The following SGCD variants were observed in gnomAD, a reference collection of about 807,000 sequenced individuals.
SGCD encodes sarcoglycan delta.
Under a neutral mutation model 36.6 loss-of-function variants are expected in SGCD, and 18 were observed. The observed-to-expected ratio is 0.49, with a 90% CI of 0.34 to 0.73. The LOEUF is 0.73. Ranked by LOEUF, SGCD falls within the 30% of genes least tolerant of loss-of-function variation. SGCD has a pLI of 0.01. For missense variants in SGCD, 387 were observed against 346.7 expected (o/e 1.12, Z -0.92); for synonymous variants, 133 against 130.6 (o/e 1.02, Z -0.12).
chr5:156,120,998 A>C (rs1762024688), intron 2 of SGCD, among the ~76,000 whole-genome samples: 1 of 152,154 alleles, frequency 6.6e-6, no homozygotes, highest in Non-Finnish European at 1.5e-5. Flanking sequence ...AATGAATCAG[A>C]AAACATGACT....
intron 1 of SGCD, among the ~76,000 whole-genome samples, chr5:156,329,184 A>G (rs10064593): frequency 0.81 from 122,641 of 152,084 alleles, 50,055 homozygotes; most frequent in African/African-American, 0.93. Context: ...GAAATCCAGG[A>G]CAGAGGTGGA....
At chr5:155,943,411 G>A (rs1424703558) in intron 1 of SGCD, among the ~76,000 whole-genome samples, 2 of 152,050 alleles carry the variant, frequency 1.3e-5, no homozygotes, top group East Asian at 3.8e-4. Context: ...TACCCTGGGA[G>A]TCTGTTTCTT....
At chr5:156,481,785 C>A (rs1041166546) in intron 3 of SGCD, among the ~76,000 whole-genome samples, 10 of 152,158 alleles carry the variant, frequency 6.6e-5, no homozygotes, top group African/African-American at 2.4e-4. Flanking sequence ...AGGAGCACAC[C>A]TGGACACAGA....
At chr5:156,491,854 CAT>C (rs1027313214) in intron 3 of SGCD, among the ~76,000 whole-genome samples, 15 of 152,220 alleles carry the variant, frequency 9.9e-5, no homozygotes, top group African/African-American at 3.6e-4. Flanking sequence ...GTAGTTGTGA[CAT>C]AACTCATTTT....
intron 1 of SGCD, among the ~76,000 whole-genome samples, chr5:155,919,852 C>A (rs1756832829): frequency 6.6e-6 from 1 of 152,110 alleles, no homozygotes; most frequent in Non-Finnish European, 1.5e-5. Flanking sequence ...CAGTCTTAGG[C>A]TGAACACTGG....
intron 3 of SGCD, among the ~76,000 whole-genome samples, chr5:156,484,201 G>A (rs1755561854): frequency 6.6e-6 from 1 of 152,168 alleles, no homozygotes; most frequent in Admixed American, 6.5e-5. Context: ...CCTAGCCTCA[G>A]AAATCTCTAC....
chr5:156,261,456 T>C (rs538305994), intron 3 of SGCD, among the ~76,000 whole-genome samples: 1 of 152,316 alleles, frequency 6.6e-6, no homozygotes, highest in African/African-American at 2.4e-5. Context: ...TTTTGTTGTC[T>C]AGTGACGTCA....
In SGCD at chr5:156,766,880, T is replaced by G. The variant is rs996089918; in HGVS notation, c.*7490T>G. On this transcript the variant is annotated 3_prime_UTR_variant, in exon 9 of 9. Coordinates refer to ENST00000337851, the MANE Select transcript of SGCD (RefSeq NM_000337.6). ...GGTTGGGGTCCATCCCTCTCTGATG[T>G]GCTTTTTCCACAACACATATCTGGT... The G allele has an allele frequency of 2.6e-5, 4 of 152,048 alleles. No homozygotes were observed. The highest frequency in any genetic ancestry group is 4.4e-5 in the Non-Finnish European group (3 of 68,028). 9.4% of individuals were successfully genotyped at this position (152,048 alleles called of 1,614,324 possible). A position where few individuals can be genotyped will look rare whatever the true frequency, so the allele number is the denominator to read the frequency against.
At chr5:155,826,538 C>T in the SGCD span, among the ~76,000 whole-genome samples, 24 of 152,208 alleles carry the variant, frequency 1.6e-4, no homozygotes, top group Non-Finnish European at 3.1e-4. Context: ...GCCAGACTTT[C>T]TTCTGGCTTA....
At chr5:155,832,335 A>C in the SGCD span, among the ~76,000 whole-genome samples, 1 of 152,152 alleles carries the variant, frequency 6.6e-6, no homozygotes, top group Non-Finnish European at 1.5e-5. Context: ...TCTGTTCTCC[A>C]TATGGTAGCA....
At chr5:155,866,667 C>T (rs1755530434), upstream of SGCD, among the ~76,000 whole-genome samples, 1 of 152,206 alleles carries the variant, frequency 6.6e-6, no homozygotes, top group Admixed American at 6.5e-5. Flanking sequence ...TAAATCATTG[C>T]TCTTTCTCCT....
intron 1 of SGCD, among the ~76,000 whole-genome samples, chr5:156,108,054 A>G (rs562135782): frequency 1.3e-5 from 2 of 152,108 alleles, no homozygotes; most frequent in African/African-American, 4.8e-5. Context: ...AATGAAGTAC[A>G]TTGTCTAATT....
At chr5:156,073,405 CA>C (rs910062137) in intron 1 of SGCD, among the ~76,000 whole-genome samples, 5 of 151,724 alleles carry the variant, frequency 3.3e-5, no homozygotes, top group Non-Finnish European at 7.4e-5. Context: ...AAAAATTGGC[CA>C]AAAAAAGTTA....
At chr5:156,681,252 G>A (rs1581390127) in intron 7 of SGCD, among the ~76,000 whole-genome samples, 3 of 152,184 alleles carry the variant, frequency 2.0e-5, no homozygotes, top group African/African-American at 7.2e-5. Flanking sequence ...TCAGCAGAAA[G>A]GCTGGAAAGG....
At chr5:155,945,900 G>A (rs1757427829) in intron 1 of SGCD, among the ~76,000 whole-genome samples, 1 of 152,154 alleles carries the variant, frequency 6.6e-6, no homozygotes, top group Admixed American at 6.5e-5. Context: ...TCACCTGGAA[G>A]GGTGGATGTG....
At position 156,759,459 on chromosome 5, in the gene SGCD, C is replaced by CTATT; in HGVS notation, c.*71_*74dup. ...TTTGGCTTTAGACACTGGCTGCCAG[C>CTATT]TATTTTTACTAGAACACAGAAAGCC... On this transcript the variant is annotated 3_prime_UTR_variant, in exon 9 of 9. Transcript: ENST00000337851. The CTATT allele has an allele frequency of 9.4e-7, 1 of 1,058,798 alleles. No homozygotes were observed. The highest frequency in any genetic ancestry group is 1.4e-6 in the Non-Finnish European group (1 of 725,018). 65.6% of individuals were successfully genotyped at this position (1,058,798 alleles called of 1,614,324 possible).
intron 3 of SGCD, among the ~76,000 whole-genome samples, chr5:156,301,697 T>C (rs544241784): frequency 6.6e-6 from 1 of 152,118 alleles, no homozygotes; most frequent in Non-Finnish European, 1.5e-5. Context: ...ATAGATCTGG[T>C]GTTGATAAAA....
the SGCD span, among the ~76,000 whole-genome samples, chr5:155,800,011 G>T: frequency 6.6e-6 from 1 of 151,502 alleles, no homozygotes; most frequent in Non-Finnish European, 1.5e-5. Flanking sequence ...TAGAGATGGG[G>T]TTTCACCATG....
chr5:156,461,783 C>T (rs1227403997), intron 3 of SGCD, among the ~76,000 whole-genome samples: 1 of 152,090 alleles, frequency 6.6e-6, no homozygotes, highest in Non-Finnish European at 1.5e-5. Flanking sequence ...AGAAATCTCA[C>T]ACTTACTCAT....
Sources: allele counts gnomAD v4.1 joint callset (sites outside exome capture counted in the v4.1 genomes callset), GRCh38; gene constraint gnomAD v4.1.1; transcripts MANE v1.5; gene names NCBI Gene and HGNC (gene_info 2026-07-23, HGNC 2026-07-21).